Variants in PLB1 observed in about 807,000 individuals in gnomAD.
The protein encoded by PLB1 is phospholipase B1.
A neutral mutation model predicts 227.4 loss-of-function variants in PLB1; 242 were observed. That is an observed-to-expected ratio of 1.06 (90% confidence interval 0.96 to 1.18). The LOEUF is 1.18. Ranked by LOEUF, PLB1 falls within the 50% of genes most tolerant of loss-of-function variation. The probability of loss-of-function intolerance (pLI) is 0.00; values close to 1 mark genes in which losing one functional copy is unlikely to be tolerated. For synonymous variants in PLB1, 757 were observed against 682.2 expected, an observed-to-expected ratio of 1.11 and a Z score of -1.71; for missense variants, 1,858 against 1,816.3, an observed-to-expected ratio of 1.02 and a Z score of -0.42.
At chr2:28,582,703 G>C (rs1349550189) in intron 25 of PLB1, among the ~76,000 whole-genome samples, 198 bp downstream of exon 25, 1 of 151,956 alleles carries the variant, frequency 6.6e-6, no homozygotes, top group Non-Finnish European at 1.5e-5. Context: ...CCCACCTCAG[G>C]GTGTGCATGG....
At chr2:28,604,132 A>G in intron 40 of PLB1, 85 bp downstream of exon 40, 1 of 1,322,532 alleles carries the variant, frequency 7.6e-7, no homozygotes, top group Non-Finnish European at 1.1e-6. Flanking sequence ...GGAGGCACAC[A>G]GGGAAGGAAA....
At chr2:28,589,887 GACAA>G (rs1423565505) in intron 28 of PLB1, 114 bp from the exon 29 acceptor site, 24 of 1,361,024 alleles carry the variant, frequency 1.8e-5, no homozygotes, top group Middle Eastern at 1.8e-4. Context: ...GCACGGCAAT[GACAA>G]ACAAACCCCA....
Position 28,525,307 on chromosome 2 carries a change from G to C in PLB1, c.284G>C (p.Trp95Ser), listed in dbSNP as rs1670092752. ...ACGGGCGATCTGGAGAAGCAAGACT[G>C]GTAACTATCCTGAAAACACAGAAAA... Reference protein sequence around the residue: ...PGTGDLEKQDWTERPQQVCMG... With the variant: ...PGTGDLEKQDSTERPQQVCMG... The change falls in exon 5 of 58, where the codon TGG (tryptophan) becomes TCG (serine). Residue 95 changes from tryptophan to serine, a missense_variant and splice_region_variant. Trp to Ser is a radical substitution (Grantham distance 177). Coordinates refer to ENST00000327757, the MANE Select transcript of PLB1 (RefSeq NM_153021.5). The C allele has an allele frequency of 8.7e-6, 14 of 1,613,464 alleles. No individual in the cohort carries two copies. The highest frequency in any genetic ancestry group is 2.2e-5 in the East Asian group (1 of 44,874).
At chr2:28,548,496 G>A (rs1430722788) in intron 14 of PLB1, 1 of 469,594 alleles carries the variant, frequency 2.1e-6, no homozygotes, top group Non-Finnish European at 4.4e-6. Context: ...CAATGTTGGA[G>A]TCCCAGCTCT....
rs780835288 is a variant in PLB1 at position 28,585,807 on chromosome 2, C to T, written c.1780C>T (p.Leu594Phe). The change falls in exon 26 of 58, where the codon CTT (leucine) becomes TTT (phenylalanine). Residue 594 changes from leucine (L) to phenylalanine (F), a missense_variant. Transcript: ENST00000327757. ...VLKFDDNSTE[L>F]ATLIEFNKKF... is the part of the protein sequence containing the mutation. ...GAAGTTTGATGATAACTCAACAGAA[C>T]TTGCTACCCTCATCGAATTCAACAA... 1.9e-6 allele frequency: 3 copies of T among 1,612,552 alleles called. No homozygotes were observed. The highest frequency in any genetic ancestry group is 8.5e-7 in the Non-Finnish European group (1 of 1,178,538).
chr2:28,624,933 G>T (rs1475491750), intron 49 of PLB1, 124 bp from the exon 50 acceptor site: 1 of 883,484 alleles, frequency 1.1e-6, no homozygotes, highest in East Asian at 2.7e-5. Flanking sequence ...CTTGAGAATG[G>T]AATGACCTTT....
intron 48 of PLB1, 74 bp from the exon 49 acceptor site, chr2:28,620,805 A>G: frequency 1.4e-6 from 2 of 1,399,482 alleles, no homozygotes; most frequent in Non-Finnish European, 2.0e-6. Flanking sequence ...CCCACCCTGC[A>G]TGCTCATCTC....
chr2:28,504,228 T>C (rs1385122902), intron 1 of PLB1, among the ~76,000 whole-genome samples: 1 of 152,228 alleles, frequency 6.6e-6, no homozygotes, highest in Admixed American at 6.5e-5. Context: ...CTTCTTGTCT[T>C]TCTACACTGC....
chr2:28,543,388 G>A (rs1672778345), intron 14 of PLB1, 120 bp downstream of exon 14: 20 of 988,804 alleles, frequency 2.0e-5, no homozygotes, highest in Non-Finnish European at 2.9e-5. Context: ...CAATGGTTCT[G>A]GGCCACCAGG....
At chr2:28,545,448 A>G (rs1483493515) in intron 14 of PLB1, among the ~76,000 whole-genome samples, 1 of 152,170 alleles carries the variant, frequency 6.6e-6, no homozygotes, top group African/African-American at 2.4e-5. Context: ...ACCCGAATTC[A>G]GCCATGAGAA....
intron 51 of PLB1, among the ~76,000 whole-genome samples, chr2:28,627,246 C>T (rs1687921693): frequency 6.6e-6 from 1 of 152,168 alleles, no homozygotes; most frequent in African/African-American, 2.4e-5. Flanking sequence ...TTCCAAACCT[C>T]TTCCCCTCAG....
intron 14 of PLB1, among the ~76,000 whole-genome samples, chr2:28,547,202 C>CCAAA (rs1553418180): frequency 2.0e-5 from 2 of 99,912 alleles, no homozygotes; most frequent in Admixed American, 1.1e-4. Flanking sequence ...ACCCTGTCTC[C>CCAAA]AAAAAAAAAA....
intron 21 of PLB1, among the ~76,000 whole-genome samples, chr2:28,575,961 C>T (rs918485123): frequency 6.6e-6 from 1 of 152,068 alleles, no homozygotes; most frequent in African/African-American, 2.4e-5. Flanking sequence ...TTGCTTTTTC[C>T]AAGCATATGT....
At chr2:28,636,413 C>A (rs948209081) in intron 56 of PLB1, among the ~76,000 whole-genome samples, 1 of 152,120 alleles carries the variant, frequency 6.6e-6, no homozygotes, top group Non-Finnish European at 1.5e-5. Flanking sequence ...TTGGAAAATT[C>A]TTTGGTATAT....
chr2:28,640,862 C>A lies in PLB1; in HGVS notation c.4099-65C>A, dbSNP rs149278320. The A allele has an allele frequency of 1.2e-4, 175 of 1,487,530 alleles. No homozygotes were observed. In the African/African-American group the frequency reaches 2.3e-3, roughly 19 times the overall value. 92.1% of individuals were successfully genotyped at this position (1,487,530 alleles called of 1,614,324 possible). A position where few individuals can be genotyped will look rare whatever the true frequency, so the allele number is the denominator to read the frequency against. ...AGGGAGGGGCTCTGGTGTGAGACAC[C>A]CCCTCAGAGAGGAAAGTGTCTCCCA... On this transcript the variant is annotated intron_variant, in intron 56 of 57. Transcript: ENST00000327757.
In PLB1 at chr2:28,617,867, C is replaced by A. The variant is rs1686420863; in HGVS notation, c.3256+80C>A. 2.9e-6 allele frequency: 4 copies of A among 1,399,790 alleles called. No individual in the cohort carries two copies. The Admixed American group carries it at 6.7e-5, about 23-fold the overall frequency. The allele number at this position is 1,399,790 out of a possible 1,614,324, so 86.7% of individuals were successfully genotyped here. A position where few individuals can be genotyped will look rare whatever the true frequency, so the allele number is the denominator to read the frequency against. The stretch of plus-strand genomic sequence containing the variant: ...TGTGGGGAGACCCTGCAAACATACC[C>A]TGGAGCTTTAAGCAGGACTTGCTAA... On this transcript the variant is annotated intron_variant, in intron 45 of 57. Transcript: ENST00000327757.
intron 6 of PLB1, among the ~76,000 whole-genome samples, chr2:28,528,449 T>C (rs147268647): frequency 5.6e-4 from 85 of 152,284 alleles, no homozygotes; most frequent in African/African-American, 1.9e-3. Context: ...TCTCTGCATG[T>C]TCCCTGGAGC....
intron 40 of PLB1, among the ~76,000 whole-genome samples, chr2:28,604,273 C>T (rs1684334063): frequency 6.6e-6 from 1 of 152,168 alleles, no homozygotes; most frequent in Non-Finnish European, 1.5e-5. Context: ...CCTCATGGCC[C>T]AGCTACCGTT....
At position 28,537,962 on chromosome 2, in the gene PLB1, G is replaced by A. The variant is rs372247724; in HGVS notation, c.556-357G>A. 1.4e-4 allele frequency among the ~76,000 whole-genome samples: 21 copies of A among 152,240 alleles called. No individual in the cohort carries two copies. The East Asian group carries it at 3.7e-3, about 27-fold the overall frequency. ...GACCTGATTTTCTTTGGGAAAAAGC[G>A]ATTCCTCAAGTCTTTGGGAGTAAGT... is the stretch of plus-strand genomic sequence containing the variant. On this transcript the variant is annotated intron_variant, in intron 9 of 57. Transcript: ENST00000327757.
Sources: allele counts gnomAD v4.1 joint callset (sites outside exome capture counted in the v4.1 genomes callset), GRCh38; gene constraint gnomAD v4.1.1; transcripts MANE v1.5; gene names NCBI Gene and HGNC (gene_info 2026-07-23, HGNC 2026-07-21).